SLC8A2: variants seen among roughly 807,000 people sequenced by gnomAD.
The protein encoded by SLC8A2 is sodium/calcium exchanger 2.
A neutral mutation model predicts 70.2 loss-of-function variants in SLC8A2; 14 were observed. The observed-to-expected ratio is 0.20, with a 90% CI of 0.13 to 0.31. The LOEUF (loss-of-function observed/expected upper bound fraction) is 0.31. Ranked by LOEUF, SLC8A2 falls within the 10% of genes least tolerant of loss-of-function variation. SLC8A2 has a pLI of 1.00. For missense variants in SLC8A2, 779 were observed against 1,320.1 expected (o/e 0.59, Z 6.35); for synonymous variants, 575 against 594.3 (o/e 0.97, Z 0.47).
chr19:47,431,492 C>A (rs1004289489), intron 9 of SLC8A2, among the ~76,000 whole-genome samples: 1 of 151,172 alleles, frequency 6.6e-6, no homozygotes, highest in African/African-American at 2.4e-5. Flanking sequence ...CTACTAAAAA[C>A]GTAAAAATTA....
At chr19:47,437,590 A>T in intron 7 of SLC8A2, 29 bp from the exon 8 acceptor site, 1 of 1,535,730 alleles carries the variant, frequency 6.5e-7, no homozygotes, top group Non-Finnish European at 9.0e-7. Context: ...GGGAGAGGTC[A>T]CTGCCCCTGA....
At chr19:47,450,508 G>C (rs1054700599) in intron 3 of SLC8A2, among the ~76,000 whole-genome samples, 1 of 152,042 alleles carries the variant, frequency 6.6e-6, no homozygotes, top group African/African-American at 2.4e-5. Context: ...GGGTGACAGA[G>C]CAAGACTCCG....
intron 4 of SLC8A2, among the ~76,000 whole-genome samples, chr19:47,445,665 T>C (rs1012620612): frequency 2.6e-5 from 4 of 152,192 alleles, no homozygotes; most frequent in African/African-American, 9.6e-5. Context: ...TCCTGTTCTC[T>C]GTCTTCTGAA....
chr19:47,457,127 C>G lies in SLC8A2; in HGVS notation c.1143G>C (p.Pro381=). 1 of 1,543,000 alleles carries G rather than the reference C, an allele frequency of 6.5e-7. No homozygotes were observed. The change falls in exon 3 of 10, where the codon CCG becomes CCC. Residue 381 remains proline (P), a synonymous_variant. Coordinates refer to ENST00000236877, the MANE Select transcript of SLC8A2 (RefSeq NM_015063.3). The part of the protein sequence containing the change: ...HAADASRRAA[P]AEGAGEDEDD... The stretch of plus-strand genomic sequence containing the variant: ...CTTCGTCCTCGCCCGCGCCCTCGGC[C>G]GGCGCCGCCCTGCGCGAGGCGTCCG...
At chr19:47,439,932 G>A (rs1967080251) in intron 6 of SLC8A2, among the ~76,000 whole-genome samples, 1 of 152,158 alleles carries the variant, frequency 6.6e-6, no homozygotes, top group East Asian at 1.9e-4. Context: ...TCAAAGTGCT[G>A]GGATTACAGA....
intron 4 of SLC8A2, among the ~76,000 whole-genome samples, chr19:47,443,667 C>T (rs1472915424): frequency 1.3e-5 from 2 of 152,240 alleles, no homozygotes; most frequent in Non-Finnish European, 2.9e-5. Context: ...ACCACGTAGA[C>T]GCTCCTACCT....
intron 3 of SLC8A2, 141 bp downstream of exon 3, chr19:47,456,789 T>C (rs1967308382): frequency 1.1e-5 from 10 of 900,310 alleles, no homozygotes; most frequent in African/African-American, 1.8e-5. Flanking sequence ...CAAAGCAGGC[T>C]CTCAGGAATG....
At chr19:47,467,143 G>A (rs1967473411) in intron 1 of SLC8A2, among the ~76,000 whole-genome samples, 1 of 152,176 alleles carries the variant, frequency 6.6e-6, no homozygotes, top group African/African-American at 2.4e-5. Context: ...GTAAAATGGA[G>A]AAATACGTTT....
intron 2 of SLC8A2, among the ~76,000 whole-genome samples, chr19:47,463,117 CTG>C (rs2122651070): frequency 6.6e-6 from 1 of 151,910 alleles, no homozygotes; most frequent in East Asian, 2.0e-4. Flanking sequence ...GAAATGCAGA[CTG>C]TTCTGTTAGA....
chr19:47,449,812 G>T (rs761865083), intron 3 of SLC8A2, among the ~76,000 whole-genome samples: 4 of 152,094 alleles, frequency 2.6e-5, no homozygotes, highest in Non-Finnish European at 5.9e-5. Flanking sequence ...GTGGGAACGG[G>T]GGCAGATCAC....
chr19:47,444,106 G>A (rs538057927), intron 4 of SLC8A2, among the ~76,000 whole-genome samples: 197 of 152,136 alleles, frequency 1.3e-3, no homozygotes, highest in African/African-American at 4.7e-3. Context: ...TGTTGCCCAG[G>A]CTGGTCTTGA....
chr19:47,439,603 C>CTTCCTTCCTTCCTTCCTTCCT (rs1555747516), intron 6 of SLC8A2, among the ~76,000 whole-genome samples: 2 of 68,548 alleles, frequency 2.9e-5, no homozygotes, highest in African/African-American at 1.7e-4. Flanking sequence ...TCTCTTCTCC[C>CTTCCTTCCTTCCTTCCTTCCT]TCCTTCCTTC....
chr19:47,456,912 C>A lies in SLC8A2; in HGVS notation c.1340+18G>T. Reference sequence around the variant, plus strand: ...CCTGCGCCAGCCCCCTGCACACCCCCCACCCCGGGGGACCCACCTGTACTC... The same window carrying A: ...CCTGCGCCAGCCCCCTGCACACCCCACACCCCGGGGGACCCACCTGTACTC... On this transcript the variant is annotated intron_variant, in intron 3 of 9. Transcript: ENST00000236877. The A allele has an allele frequency of 6.4e-7, 1 of 1,571,512 alleles. No individual in the cohort carries two copies. Among genetic ancestry groups the A allele is most frequent in the South Asian group, 1.2e-5 (1 of 84,790 alleles).
intron 1 of SLC8A2, among the ~76,000 whole-genome samples, chr19:47,470,736 T>C (rs551947854): frequency 1.4e-4 from 21 of 152,132 alleles, no homozygotes; most frequent in African/African-American, 1.7e-4. Flanking sequence ...CTGGGGAGGT[T>C]AGATTGAAGG....
intron 4 of SLC8A2, among the ~76,000 whole-genome samples, chr19:47,445,169 C>T (rs565344835): frequency 4.6e-5 from 7 of 152,098 alleles, no homozygotes; most frequent in African/African-American, 1.7e-4. Flanking sequence ...AGTGCAATGG[C>T]GTGACCTCGG....
intron 2 of SLC8A2, among the ~76,000 whole-genome samples, chr19:47,461,570 C>T (rs771797096): frequency 6.6e-6 from 1 of 152,160 alleles, no homozygotes; most frequent in Non-Finnish European, 1.5e-5. Flanking sequence ...TATCTAAGAT[C>T]CAGTTGCCAC....
chr19:47,437,659 G>A, intron 7 of SLC8A2, 98 bp from the exon 8 acceptor site: 1 of 1,194,866 alleles, frequency 8.4e-7, no homozygotes, highest in Non-Finnish European at 1.2e-6. Flanking sequence ...CTGTGCCCAG[G>A]GGTCCTCAAC....
rs144575433 is a variant in SLC8A2, at chr19:47,466,053, G to A, written c.351C>T (p.Ser117=). 1.3e-4 allele frequency: 209 copies of A among 1,614,156 alleles called. No homozygotes were observed. In the African/African-American group the frequency reaches 1.9e-3, roughly 15 times the overall value. Residue 117 remains serine, a synonymous_variant, in exon 2 of 10, where the codon AGC becomes AGT. Transcript: ENST00000236877. The surrounding 1 kb of genome is among the most constrained non-coding windows in gnomAD (Gnocchi z 6.9). ...CATTCCAGATGCGAACGGTGCCCACGCTGGTCTCACCGTTGGCCTTGGTGA... is the reference window on the plus strand; with the variant it reads ...CATTCCAGATGCGAACGGTGCCCACACTGGTCTCACCGTTGGCCTTGGTGA... ...ITITKANGET[S]VGTVRIWNET...
In SLC8A2 at chr19:47,464,536, C is replaced by T. The variant is rs147629810; in HGVS notation, c.675+1193G>A. ...GGAAACTCTCTCCTCTTTCTCTCTC[C>T]CTCTTTCAGGAGCCCTGTCTTCTGG... is the stretch of plus-strand genomic sequence containing the variant. On this transcript the variant is annotated intron_variant, in intron 2 of 9. Transcript: ENST00000236877. 2.1e-4 allele frequency among the ~76,000 whole-genome samples: 32 copies of T among 152,284 alleles called. 1 individual carries two copies. The East Asian group carries it at 5.4e-3, about 26-fold the overall frequency.
Sources: gnomAD v4.1 joint callset for allele counts (sites outside exome capture counted in the v4.1 genomes callset) on GRCh38, gnomAD v4.1.1 for gene constraint, Gnocchi (gnomAD v3.1) non-coding constraint, MANE v1.5 for transcripts, NCBI Gene and HGNC (gene_info 2026-07-23, HGNC 2026-07-21) for gene names.